Variants in RBFOX1 observed in about 807,000 individuals in gnomAD.
RBFOX1 encodes RNA binding protein fox-1 homolog 1.
Under a neutral mutation model 57.7 loss-of-function variants are expected in RBFOX1, and 8 were observed. The ratio of observed to expected loss-of-function variants is 0.14; its 90% CI spans 0.08 to 0.25. The LOEUF (loss-of-function observed/expected upper bound fraction) is 0.25, where lower values mean the gene tolerates loss of function less well. Ranked by LOEUF, RBFOX1 falls within the 10% of genes least tolerant of loss-of-function variation. The probability of loss-of-function intolerance (pLI) is 1.00; values close to 1 mark genes in which losing one functional copy is unlikely to be tolerated. For missense variants in RBFOX1, 611 were observed against 548.5 expected, an observed-to-expected ratio of 1.11 and a Z score of -1.14; for synonymous variants, 326 against 222.4, an observed-to-expected ratio of 1.47 and a Z score of -4.15.
At chr16:7,133,961 T>C (rs189896739) in intron 4 of RBFOX1, among the ~76,000 whole-genome samples, 1 of 152,308 alleles carries the variant, frequency 6.6e-6, no homozygotes. Flanking sequence ...ATTTGTCAGG[T>C]TGATAACATT....
Position 5,597,434 on chromosome 16 carries a change from C to A in RBFOX1, c.259-1468C>A, listed in dbSNP as rs1045359580. The stretch of plus-strand genomic sequence containing the variant: ...TTTTTTTGAGTTGGGGTTTTGATCT[C>A]GTCGCTCAGGCTGGAGTGCAATGGC... On this transcript the variant is annotated intron_variant, in intron 2 of 2. Coordinates refer to the RBFOX1 transcript ENST00000585867. Among the ~76,000 whole-genome samples the A allele has an allele frequency of 2.9e-5, 4 of 137,416 alleles. No individual in the cohort carries two copies. In the Admixed American group the frequency reaches 3.2e-4, roughly 11 times the overall value. 90.2% of individuals were successfully genotyped at this position (137,416 alleles called of 152,430 possible).
intron 4 of RBFOX1, among the ~76,000 whole-genome samples, chr16:5,867,964 A>G (rs1484651691): frequency 6.6e-6 from 1 of 152,152 alleles, no homozygotes; most frequent in Non-Finnish European, 1.5e-5. Context: ...TGCTCGCCTC[A>G]GCCTCCTAAA....
chr16:7,303,084 C>T (rs1397729925), intron 4 of RBFOX1, among the ~76,000 whole-genome samples: 1 of 152,220 alleles, frequency 6.6e-6, no homozygotes, highest in Non-Finnish European at 1.5e-5. Flanking sequence ...GAGAAGCCCC[C>T]TTCCAGTCGC....
chr16:6,335,907 C>G (rs2083594908), intron 2 of RBFOX1, among the ~76,000 whole-genome samples: 1 of 150,680 alleles, frequency 6.6e-6, no homozygotes, highest in Middle Eastern at 3.4e-3. Context: ...CATCATTGTT[C>G]TCCAGGTATT....
chr16:5,520,165 T>C (rs953637604), intron 2 of RBFOX1, among the ~76,000 whole-genome samples: 2 of 152,078 alleles, frequency 1.3e-5, no homozygotes, highest in Non-Finnish European at 2.9e-5. Context: ...GAAGAGGCTA[T>C]TGTGGCTGGA....
intron 2 of RBFOX1, among the ~76,000 whole-genome samples, chr16:6,485,228 G>C (rs1022999538): frequency 1.3e-5 from 2 of 152,098 alleles, no homozygotes; most frequent in Non-Finnish European, 2.9e-5. Flanking sequence ...CTGCCCACAC[G>C]CTTCCCACAC....
intron 10 of RBFOX1, among the ~76,000 whole-genome samples, chr16:7,625,503 A>G (rs1214804798): frequency 6.6e-6 from 1 of 152,152 alleles, no homozygotes; most frequent in Non-Finnish European, 1.5e-5. Context: ...TGGGGGCCCC[A>G]GAATACTCAT....
intron 1 of RBFOX1, among the ~76,000 whole-genome samples, chr16:5,418,276 C>T (rs1001869366): frequency 6.6e-6 from 1 of 150,886 alleles, no homozygotes; most frequent in Non-Finnish European, 1.5e-5. Flanking sequence ...GTGATAATGG[C>T]AAGGCAGCTG....
At chr16:7,162,426 A>G (rs1390161922) in intron 4 of RBFOX1, among the ~76,000 whole-genome samples, 1 of 152,062 alleles carries the variant, frequency 6.6e-6, no homozygotes, top group Non-Finnish European at 1.5e-5. Flanking sequence ...GCAGGTTCTA[A>G]AAATGATAAA....
At chr16:7,230,714 T>A (rs4786986) in intron 4 of RBFOX1, among the ~76,000 whole-genome samples, 22,885 of 152,168 alleles carry the variant, frequency 0.15, 1,682 homozygotes, top group African/African-American at 0.18. Context: ...GAAAGTGACC[T>A]TTAAGGCCAC....
chr16:6,130,931 A>C (rs2096625109), intron 1 of RBFOX1, among the ~76,000 whole-genome samples: 1 of 152,208 alleles, frequency 6.6e-6, no homozygotes, highest in African/African-American at 2.4e-5. Context: ...AGTTGTAGAC[A>C]AATTTGCAAT....
At position 7,304,650 on chromosome 16, in the gene RBFOX1, G is replaced by A. The variant is rs533674148; in HGVS notation, c.28-213497G>A. Among the ~76,000 whole-genome samples the A allele has an allele frequency of 3.9e-5, 6 of 152,254 alleles. No individual in the cohort carries two copies. In the South Asian group the frequency reaches 8.3e-4, roughly 21 times the overall value. On this transcript the variant is annotated intron_variant, in intron 4 of 15. Transcript: ENST00000550418. ...AAGCCTCCTGCTCTCTGTGGAGCCC[G>A]GGCACCTCGCGCTGAGATGTTTCTG...
At chr16:5,562,298 C>T (rs1317817594) in intron 2 of RBFOX1, among the ~76,000 whole-genome samples, 1 of 152,206 alleles carries the variant, frequency 6.6e-6, no homozygotes, top group African/African-American at 2.4e-5. Flanking sequence ...AGCAGTCCTA[C>T]TTAGAAGTCA....
intron 3 of RBFOX1, among the ~76,000 whole-genome samples, chr16:5,826,496 A>G (rs1019313177): frequency 6.6e-6 from 1 of 152,232 alleles, no homozygotes; most frequent in Non-Finnish European, 1.5e-5. Flanking sequence ...CGCTGTCTCA[A>G]TGACTCAACT....
chr16:7,259,906 G>A (rs1412820981), intron 4 of RBFOX1, among the ~76,000 whole-genome samples: 5 of 152,076 alleles, frequency 3.3e-5, no homozygotes, highest in Admixed American at 3.3e-4. Context: ...AAATAATTCT[G>A]GGATAAATGA....
In RBFOX1 at chr16:5,884,657, A is replaced by G. The variant is rs913518629; in HGVS notation, c.351+17322A>G. ...CCCATGTTCTCTCATTCCATGTTGG[A>G]GTCGAATAAATCAGATTCTGAGGCA... On this transcript the variant is annotated intron_variant, in intron 4 of 19. Coordinates refer to the RBFOX1 transcript ENST00000641259. Among the ~76,000 whole-genome samples, 4 of 152,110 alleles carry G rather than the reference A, an allele frequency of 2.6e-5. No homozygotes were observed. The South Asian group carries it at 8.3e-4, about 32-fold the overall frequency.
chr16:7,333,575 C>T (rs914822269), intron 4 of RBFOX1, among the ~76,000 whole-genome samples: 1 of 152,146 alleles, frequency 6.6e-6, no homozygotes, highest in African/African-American at 2.4e-5. Flanking sequence ...TGAGTGGTGG[C>T]ACTGAGGCAA....
chr16:6,554,725 GACACACACACACACACACAC>G (rs34699308), intron 2 of RBFOX1, among the ~76,000 whole-genome samples: 2 of 148,166 alleles, frequency 1.3e-5, no homozygotes, highest in Non-Finnish European at 3.0e-5. Context: ...AGTAGACACA[GACACACACACACACACACAC>G]ACACACACAC....
intron 12 of RBFOX1, among the ~76,000 whole-genome samples, chr16:7,660,521 T>G (rs1597491142): frequency 6.6e-6 from 1 of 152,312 alleles, no homozygotes; most frequent in Non-Finnish European, 1.5e-5. Context: ...TTGGATACAT[T>G]TTTGGAAACT....
Sources: gnomAD v4.1 joint callset for allele counts (sites outside exome capture counted in the v4.1 genomes callset) on GRCh38, gnomAD v4.1.1 for gene constraint, MANE v1.5 for transcripts, NCBI Gene and HGNC (gene_info 2026-07-23, HGNC 2026-07-21) for gene names.